FRMD6: variants seen among roughly 807,000 people sequenced by gnomAD.
FRMD6 encodes FERM domain-containing protein 6.
FRMD6 carries 37 observed loss-of-function variants against 73.2 expected under a neutral mutation model. That is an observed-to-expected ratio of 0.51 (90% confidence interval 0.39 to 0.66). The LOEUF (loss-of-function observed/expected upper bound fraction) is 0.66, where lower values mean the gene tolerates loss of function less well. FRMD6 is among the 30% of genes least tolerant of loss of function. The probability of loss-of-function intolerance (pLI) is 0.00; values close to 1 mark genes in which losing one functional copy is unlikely to be tolerated. For missense variants in FRMD6, 714 were observed against 780.5 expected, an observed-to-expected ratio of 0.91 and a Z score of 1.02; for synonymous variants, 273 against 282.2, an observed-to-expected ratio of 0.97 and a Z score of 0.33.
At chr14:51,428,032 C>A in the FRMD6 span, among the ~76,000 whole-genome samples, 1 of 152,090 alleles carries the variant, frequency 6.6e-6, no homozygotes, top group Non-Finnish European at 1.5e-5. Context: ...GAGGTGGAGG[C>A]TTGTTAAAAG....
At chr14:51,568,191 C>T (rs1887887992) in intron 1 of FRMD6, among the ~76,000 whole-genome samples, 1 of 152,244 alleles carries the variant, frequency 6.6e-6, no homozygotes, top group Non-Finnish European at 1.5e-5. Flanking sequence ...TTGTTCCTTA[C>T]AAGCCTTGAC....
chr14:51,616,088 C>A (rs896294636), intron 2 of FRMD6, among the ~76,000 whole-genome samples: 1 of 152,108 alleles, frequency 6.6e-6, no homozygotes, highest in African/African-American at 2.4e-5. Context: ...GACATACCAA[C>A]CTCTAAGACT....
At chr14:51,525,905 G>A (rs867236644) in intron 1 of FRMD6, among the ~76,000 whole-genome samples, 3 of 152,182 alleles carry the variant, frequency 2.0e-5, no homozygotes, top group African/African-American at 7.2e-5. Flanking sequence ...TGAAGAAGAT[G>A]AATGAGTAAC....
At chr14:51,466,965 T>A in the FRMD6 span, among the ~76,000 whole-genome samples, 1 of 151,976 alleles carries the variant, frequency 6.6e-6, no homozygotes, top group African/African-American at 2.4e-5. Context: ...GGTAGATTTA[T>A]TCCTTTTTTT....
chr14:51,551,775 A>G (rs1284186743), intron 1 of FRMD6, among the ~76,000 whole-genome samples: 1 of 151,844 alleles, frequency 6.6e-6, no homozygotes, highest in African/African-American at 2.4e-5. Context: ...TAATATATGT[A>G]ATACATTTTA....
chr14:51,709,811 A>G (rs1283860782), intron 7 of FRMD6, among the ~76,000 whole-genome samples: 2 of 152,178 alleles, frequency 1.3e-5, no homozygotes, highest in East Asian at 1.9e-4. Context: ...AAAGAGTAAG[A>G]GTGTGGCTTT....
chr14:51,580,476 A>G (rs1245463671), intron 2 of FRMD6, among the ~76,000 whole-genome samples: 1 of 152,198 alleles, frequency 6.6e-6, no homozygotes, highest in Non-Finnish European at 1.5e-5. Context: ...CTATTTTACA[A>G]CTAAGGAAAA....
intron 2 of FRMD6, among the ~76,000 whole-genome samples, chr14:51,636,093 G>C (rs986077345): frequency 6.6e-6 from 1 of 152,200 alleles, no homozygotes; most frequent in Middle Eastern, 3.2e-3. Context: ...TAGGGACTTA[G>C]GAGCAGAAGT....
the FRMD6 span, among the ~76,000 whole-genome samples, chr14:51,415,162 G>T: frequency 6.6e-6 from 1 of 152,246 alleles, no homozygotes; most frequent in East Asian, 1.9e-4. Context: ...TTGCCTGACT[G>T]CCCTGGCCAG....
At chr14:51,660,747 A>G (rs552945262) in intron 1 of FRMD6, among the ~76,000 whole-genome samples, 1 of 152,214 alleles carries the variant, frequency 6.6e-6, no homozygotes, top group Admixed American at 6.5e-5. Context: ...AGAGCAGGCT[A>G]AGGGACAGTA....
At chr14:51,414,677 T>C in the FRMD6 span, among the ~76,000 whole-genome samples, 1 of 152,344 alleles carries the variant, frequency 6.6e-6, no homozygotes, top group East Asian at 1.9e-4. Flanking sequence ...GTAGTTTTTT[T>C]CCAATTCTGT....
chr14:51,575,453 A>G (rs934668564), intron 2 of FRMD6, among the ~76,000 whole-genome samples: 1 of 152,238 alleles, frequency 6.6e-6, no homozygotes, highest in East Asian at 1.9e-4. Flanking sequence ...GCAGATGCAG[A>G]TGCTCCTTGG....
the FRMD6 span, among the ~76,000 whole-genome samples, chr14:51,450,038 A>G: frequency 6.6e-6 from 1 of 152,232 alleles, no homozygotes; most frequent in South Asian, 2.1e-4. Context: ...AGCTCTTGAG[A>G]TGTCTCTGTG....
intron 9 of FRMD6, 105 bp from the exon 10 acceptor site, chr14:51,715,220 T>C: frequency 4.7e-6 from 4 of 852,360 alleles, no homozygotes; most frequent in South Asian, 2.5e-5. Context: ...TGAAACTTTA[T>C]ACATTTCAGA....
intron 2 of FRMD6, among the ~76,000 whole-genome samples, chr14:51,582,751 C>T (rs1381514102): frequency 6.6e-6 from 1 of 152,124 alleles, no homozygotes; most frequent in Admixed American, 6.6e-5. Context: ...TACAACAAAA[C>T]GATGAGAAAT....
At chr14:51,680,763 TA>T (rs1312871182) in intron 1 of FRMD6, among the ~76,000 whole-genome samples, 9 of 125,254 alleles carry the variant, frequency 7.2e-5, no homozygotes, top group South Asian at 2.4e-4. Context: ...TTATTGATGT[TA>T]TTTTTTTATA....
chr14:51,607,542 T>C (rs1890312756), intron 2 of FRMD6, among the ~76,000 whole-genome samples: 1 of 152,168 alleles, frequency 6.6e-6, no homozygotes, highest in African/African-American at 2.4e-5. Context: ...GCCATGTAAG[T>C]AATATTTCCA....
At chr14:51,540,219 T>C (rs1333135203) in intron 1 of FRMD6, among the ~76,000 whole-genome samples, 2 of 152,162 alleles carry the variant, frequency 1.3e-5, no homozygotes, top group African/African-American at 2.4e-5. Context: ...AGCCAAGATA[T>C]GGTGGGGCTG....
chr14:51,469,183 G>A, the FRMD6 span, among the ~76,000 whole-genome samples: 22 of 151,732 alleles, frequency 1.4e-4, no homozygotes, highest in African/African-American at 4.8e-4. Context: ...TTTGTGATCC[G>A]CCGCCTAGGC....
Sources: gnomAD v4.1 joint callset for allele counts (sites outside exome capture counted in the v4.1 genomes callset) on GRCh38, gnomAD v4.1.1 for gene constraint, MANE v1.5 for transcripts, NCBI Gene and HGNC (gene_info 2026-07-23, HGNC 2026-07-21) for gene names.